PRKAR2B: variants seen among roughly 807,000 people sequenced by gnomAD.
PRKAR2B encodes the protein protein kinase cAMP-dependent type II regulatory subunit beta, also known as cAMP-dependent protein kinase type II-beta regulatory subunit.
PRKAR2B carries 14 observed loss-of-function variants against 49.9 expected under a neutral mutation model. That is an observed-to-expected ratio of 0.28 (90% CI 0.19 to 0.44). PRKAR2B has a LOEUF of 0.44. PRKAR2B is among the 20% of genes least tolerant of loss of function. The pLI is 1.00. For synonymous variants in PRKAR2B, 196 were observed against 197.7 expected (o/e 0.99, Z 0.07); for missense variants, 393 against 537.9 (o/e 0.73, Z 2.67).
chr7:107,080,823 A>G (rs142161091), intron 2 of PRKAR2B, among the ~76,000 whole-genome samples: 15 of 152,270 alleles, frequency 9.9e-5, no homozygotes, highest in East Asian at 1.9e-4. Context: ...CAAATATTCA[A>G]TGAGGGCCTA....
chr7:107,097,345 G>A (rs1376554353), intron 2 of PRKAR2B, among the ~76,000 whole-genome samples: 1 of 150,460 alleles, frequency 6.6e-6, no homozygotes, highest in African/African-American at 2.4e-5. Flanking sequence ...CTTTTTTTTT[G>A]TTTTCCATTT....
intron 10 of PRKAR2B, 39 bp from the exon 11 acceptor site, chr7:107,159,410 A>C (rs1796155194): frequency 5.6e-6 from 9 of 1,607,618 alleles, no homozygotes; most frequent in Non-Finnish European, 6.8e-6. Context: ...GCAGATTTGC[A>C]AAGAATGTTA....
chr7:107,047,983 C>T (rs951862395), intron 1 of PRKAR2B, among the ~76,000 whole-genome samples: 4 of 152,210 alleles, frequency 2.6e-5, no homozygotes, highest in Non-Finnish European at 4.4e-5. Flanking sequence ...ACATAATTGC[C>T]GTTAGTTGAC....
intron 2 of PRKAR2B, among the ~76,000 whole-genome samples, chr7:107,116,448 T>C (rs1795274877): frequency 6.6e-6 from 1 of 152,204 alleles, no homozygotes. Flanking sequence ...CTATAAATGT[T>C]TTAAATATAG....
intron 2 of PRKAR2B, among the ~76,000 whole-genome samples, chr7:107,084,496 T>G (rs941081225): frequency 5.9e-5 from 9 of 152,148 alleles, no homozygotes; most frequent in African/African-American, 2.2e-4. Flanking sequence ...TATACATTTT[T>G]GGGAGTGATT....
chr7:107,047,860 T>C (rs1011089995), intron 1 of PRKAR2B, among the ~76,000 whole-genome samples: 2 of 152,222 alleles, frequency 1.3e-5, no homozygotes, highest in Non-Finnish European at 2.9e-5. Context: ...TATCCTTTTC[T>C]TCCCCCTCAG....
chr7:107,088,753 C>T (rs1209232129), intron 2 of PRKAR2B, among the ~76,000 whole-genome samples: 1 of 152,072 alleles, frequency 6.6e-6, no homozygotes, highest in African/African-American at 2.4e-5. Context: ...GCGTGTGTTA[C>T]CACGCCCGGC....
chr7:107,106,690 C>G (rs572003182), intron 2 of PRKAR2B, among the ~76,000 whole-genome samples: 1 of 152,056 alleles, frequency 6.6e-6, no homozygotes. Flanking sequence ...CTTGGGCAGT[C>G]GGGGGTATAG....
intron 2 of PRKAR2B, among the ~76,000 whole-genome samples, chr7:107,118,661 G>A (rs1795335225): frequency 6.6e-6 from 1 of 152,148 alleles, no homozygotes. Context: ...TGCAAAGGAT[G>A]AGCACAGAAG....
chr7:107,155,918 A>C (rs768879048), intron 8 of PRKAR2B, among the ~76,000 whole-genome samples: 1 of 152,244 alleles, frequency 6.6e-6, no homozygotes, highest in Non-Finnish European at 1.5e-5. Flanking sequence ...ATGGAGTACT[A>C]TGCAGCCATA....
chr7:107,073,851 A>G (rs909416704), intron 2 of PRKAR2B, among the ~76,000 whole-genome samples: 1 of 151,994 alleles, frequency 6.6e-6, no homozygotes, highest in African/African-American at 2.4e-5. Flanking sequence ...ACTAGAGGTC[A>G]GGAGTTCGAG....
At chr7:107,116,539 A>G (rs1795276364) in intron 2 of PRKAR2B, among the ~76,000 whole-genome samples, 1 of 152,218 alleles carries the variant, frequency 6.6e-6, no homozygotes, top group South Asian at 2.1e-4. Context: ...ACAGAAGAAT[A>G]TGTATACATA....
At chr7:107,153,906 C>G (rs1796033010) in intron 8 of PRKAR2B, among the ~76,000 whole-genome samples, 1 of 152,154 alleles carries the variant, frequency 6.6e-6, no homozygotes, top group Admixed American at 6.5e-5. Context: ...TTAATAGATT[C>G]TGTAATTTTT....
chr7:107,101,501 C>A (rs1164071328), intron 2 of PRKAR2B, among the ~76,000 whole-genome samples: 1 of 152,226 alleles, frequency 6.6e-6, no homozygotes, highest in Non-Finnish European at 1.5e-5. Flanking sequence ...ACCCACACTG[C>A]CTTCCAGGCA....
intron 2 of PRKAR2B, among the ~76,000 whole-genome samples, chr7:107,073,543 A>G (rs1055122287): frequency 2.4e-4 from 36 of 152,166 alleles, no homozygotes; most frequent in Non-Finnish European, 4.4e-4. Flanking sequence ...ATAGGACCCA[A>G]TTTTACTGAT....
At chr7:107,145,889 G>A (rs946597683) in intron 5 of PRKAR2B, among the ~76,000 whole-genome samples, 1 of 151,406 alleles carries the variant, frequency 6.6e-6, no homozygotes, top group Non-Finnish European at 1.5e-5. Flanking sequence ...ATGGGATCCC[G>A]CCATCACACC....
At position 107,128,200 on chromosome 7, in the gene PRKAR2B, A is replaced by C. The variant is rs755821267; in HGVS notation, c.397-12A>C. 2 of 1,579,362 alleles carry C rather than the reference A, an allele frequency of 1.3e-6. No individual in the cohort carries two copies. Among genetic ancestry groups the C allele is most frequent in the South Asian group, 2.2e-5 (2 of 89,526 alleles). Reference sequence around the variant, plus strand: ...CTAATGTCTTTGTTTTTTAAATCTGATGTCCTTTTAGATTATACATCCAAA... The same window carrying C: ...CTAATGTCTTTGTTTTTTAAATCTGCTGTCCTTTTAGATTATACATCCAAA... On this transcript the variant is annotated splice_polypyrimidine_tract_variant and intron_variant, in intron 3 of 10. Coordinates refer to ENST00000265717, the MANE Select transcript of PRKAR2B (RefSeq NM_002736.3).
At position 107,159,444 on chromosome 7, in the gene PRKAR2B, C is replaced by G; in HGVS notation, c.1124-5C>G. 6.2e-7 allele frequency: 1 copy of G among 1,611,982 alleles called. No homozygotes were observed. The highest frequency in any genetic ancestry group is 8.5e-7 in the Non-Finnish European group (1 of 1,179,352). ...TATTTAAAAAAAAATCTTCTCTTTT[C>G]TCAGCAATGGATGTGCAAGCATTTG... is the stretch of plus-strand genomic sequence containing the variant. On this transcript the variant is annotated splice_region_variant and splice_polypyrimidine_tract_variant and intron_variant, in intron 10 of 10. Coordinates refer to ENST00000265717, the MANE Select transcript of PRKAR2B (RefSeq NM_002736.3).
intron 2 of PRKAR2B, among the ~76,000 whole-genome samples, chr7:107,116,172 C>G (rs1486464949): frequency 1.3e-5 from 2 of 152,144 alleles, no homozygotes; most frequent in Non-Finnish European, 2.9e-5. Context: ...CCATTTATTT[C>G]TTCGGTCATT....
Sources: allele counts gnomAD v4.1 joint callset (sites outside exome capture counted in the v4.1 genomes callset), GRCh38; gene constraint gnomAD v4.1.1; transcripts MANE v1.5; gene names NCBI Gene and HGNC (gene_info 2026-07-23, HGNC 2026-07-21).